KCNG3: variants seen among roughly 807,000 people sequenced by gnomAD.
The protein encoded by KCNG3 is voltage-gated potassium channel regulatory subunit KCNG3.
In KCNG3, 15 loss-of-function variants were observed where a neutral mutation model predicts 29.0. That is an observed-to-expected ratio of 0.52 (90% CI 0.35 to 0.80). The LOEUF is 0.80. Among genes scored for constraint, KCNG3 ranks in the 30% least tolerant of loss-of-function variants. The probability of loss-of-function intolerance (pLI) is 0.01; values close to 1 mark genes in which losing one functional copy is unlikely to be tolerated. For synonymous variants in KCNG3, 322 were observed against 248.9 expected, an observed-to-expected ratio of 1.29 and a Z score of -2.76; for missense variants, 512 against 605.7, an observed-to-expected ratio of 0.85 and a Z score of 1.62.
intron 1 of KCNG3, among the ~76,000 whole-genome samples, chr2:42,482,286 T>A (rs1401530705): frequency 1.3e-5 from 2 of 152,246 alleles, no homozygotes; most frequent in African/African-American, 4.8e-5. Flanking sequence ...TTTTTAAAAA[T>A]ATAACCTACA....
chr2:42,459,183 C>G (rs1206767338), intron 1 of KCNG3, among the ~76,000 whole-genome samples: 1 of 139,838 alleles, frequency 7.2e-6, no homozygotes, highest in African/African-American at 2.6e-5. Flanking sequence ...GCAACAAGAG[C>G]GAAACTCCAT....
chr2:42,493,502 G>A lies in KCNG3; in HGVS notation c.-1C>T. On this transcript the variant is annotated 5_prime_UTR_variant, in exon 1 of 2. Transcript: ENST00000306078. ...CCGCCCCGCTGCGCCCGAAGGTCAT[G>A]GCTGGCCGCCCGGGGGACTTTCGGC... 7.3e-7 allele frequency: 1 copy of A among 1,375,602 alleles called. No individual in the cohort carries two copies. The highest frequency in any genetic ancestry group is 9.3e-7 in the Non-Finnish European group (1 of 1,072,326). The allele number at this position is 1,375,602 out of a possible 1,614,324, so 85.2% of individuals were successfully genotyped here.
the KCNG3 span, among the ~76,000 whole-genome samples, chr2:42,393,932 C>T: frequency 1.3e-5 from 2 of 152,228 alleles, no homozygotes; most frequent in East Asian, 3.9e-4. Flanking sequence ...AGGTGCCCGA[C>T]ACCATGCCCA....
chr2:42,453,360 T>G (rs1040926266), intron 1 of KCNG3, among the ~76,000 whole-genome samples: 2 of 152,218 alleles, frequency 1.3e-5, no homozygotes, highest in Non-Finnish European at 2.9e-5. Context: ...TCGCCAGCAT[T>G]TGTTATTGTC....
At chr2:42,459,688 T>A (rs1044624429) in intron 1 of KCNG3, among the ~76,000 whole-genome samples, 1 of 151,998 alleles carries the variant, frequency 6.6e-6, no homozygotes, top group African/African-American at 2.4e-5. Flanking sequence ...TTATGTAAGA[T>A]GTTATCGGCC....
intron 1 of KCNG3, among the ~76,000 whole-genome samples, chr2:42,473,943 G>C (rs1173978810): frequency 6.6e-6 from 1 of 151,982 alleles, no homozygotes; most frequent in Non-Finnish European, 1.5e-5. Flanking sequence ...CTTGAGGCCA[G>C]GAGTTCGAGA....
chr2:42,412,370 T>G, the KCNG3 span, among the ~76,000 whole-genome samples: 1 of 152,354 alleles, frequency 6.6e-6, no homozygotes, highest in Middle Eastern at 3.4e-3. Flanking sequence ...CTTGAAATTC[T>G]TGGAGTGACT....
At position 42,442,150 on chromosome 2, in the gene KCNG3, T is replaced by A. The variant is rs1280845779; in HGVS notation, c.*1784A>T. On this transcript the variant is annotated 3_prime_UTR_variant, in exon 2 of 2. Transcript: ENST00000306078. ...GCCATTTATTTCAATTATATTAGAA[T>A]ACAATAAATATACAATAAATAACTG... 6.6e-6 allele frequency: 1 copy of A among 152,156 alleles called. No homozygotes were observed. The highest frequency in any genetic ancestry group is 2.4e-5 in the African/African-American group (1 of 41,432). The allele number at this position is 152,156 out of a possible 1,614,324, so 9.4% of individuals were successfully genotyped here. A position where few individuals can be genotyped will look rare whatever the true frequency, so the allele number is the denominator to read the frequency against.
intron 1 of KCNG3, among the ~76,000 whole-genome samples, chr2:42,449,664 C>T (rs979223000): frequency 2.2e-4 from 33 of 151,860 alleles, no homozygotes; most frequent in African/African-American, 7.5e-4. Context: ...ATTACAGGCG[C>T]GCACCACCAC....
chr2:42,477,052 C>A (rs1162301667), intron 1 of KCNG3, among the ~76,000 whole-genome samples: 13 of 150,236 alleles, frequency 8.7e-5, no homozygotes, highest in Admixed American at 8.0e-4. Flanking sequence ...ATTAGCCGGG[C>A]GTGGTGGCAG....
the KCNG3 span, among the ~76,000 whole-genome samples, chr2:42,422,137 A>G: frequency 2.6e-5 from 4 of 152,182 alleles, no homozygotes; most frequent in South Asian, 4.1e-4. Context: ...AACATTACCA[A>G]TTGCTACGGT....
chr2:42,465,499 G>A (rs1417108989), intron 1 of KCNG3, among the ~76,000 whole-genome samples: 1 of 152,136 alleles, frequency 6.6e-6, no homozygotes, highest in Non-Finnish European at 1.5e-5. Flanking sequence ...TTACAGGAGT[G>A]AGCCATTGTC....
At chr2:42,458,250 C>G (rs747008114) in intron 1 of KCNG3, among the ~76,000 whole-genome samples, 1 of 152,150 alleles carries the variant, frequency 6.6e-6, no homozygotes, top group Admixed American at 6.5e-5. Flanking sequence ...TTTTAAGGGG[C>G]TGCTATTATT....
the KCNG3 span, among the ~76,000 whole-genome samples, chr2:42,414,240 C>G: frequency 6.6e-6 from 1 of 152,076 alleles, no homozygotes; most frequent in Non-Finnish European, 1.5e-5. Flanking sequence ...TTTAGTTGTC[C>G]TTTCAGTGAA....
At chr2:42,447,548 T>C (rs894674001) in intron 1 of KCNG3, among the ~76,000 whole-genome samples, 1 of 151,702 alleles carries the variant, frequency 6.6e-6, no homozygotes, top group African/African-American at 2.4e-5. Flanking sequence ...AGGGTCTTAC[T>C]CCCGTCAACC....
intron 1 of KCNG3, among the ~76,000 whole-genome samples, chr2:42,461,491 T>C (rs958644625): frequency 2.0e-5 from 3 of 152,124 alleles, no homozygotes; most frequent in Non-Finnish European, 2.9e-5. Flanking sequence ...AGAGGACATA[T>C]GCATACAGGC....
intron 1 of KCNG3, among the ~76,000 whole-genome samples, chr2:42,457,289 A>G (rs1213401854): frequency 6.6e-6 from 1 of 151,178 alleles, no homozygotes; most frequent in Non-Finnish European, 1.5e-5. Context: ...GTTCAAGACC[A>G]GTTTGGGCAA....
chr2:42,444,631 T>C lies in KCNG3; in HGVS notation c.666-52A>G, dbSNP rs373645106. On this transcript the variant is annotated intron_variant, in intron 1 of 1. Coordinates refer to ENST00000306078, the MANE Select transcript of KCNG3 (RefSeq NM_133329.6). This position sits in a 1 kb window ranked among gnomAD's most constrained non-coding sequence, Gnocchi z 5.8. ...ATCATTTTATTTTTAAGCATTTTAATAGCTCTTAGATTTCTTCAGATAGTA... is the reference window on the plus strand; with the variant it reads ...ATCATTTTATTTTTAAGCATTTTAACAGCTCTTAGATTTCTTCAGATAGTA... The C allele has an allele frequency of 4.8e-5, 72 of 1,496,546 alleles. No individual in the cohort carries two copies. The African/African-American group carries it at 8.6e-4, about 18-fold the overall frequency. The allele number at this position is 1,496,546 out of a possible 1,614,324, so 92.7% of individuals were successfully genotyped here.
chr2:42,447,203 A>T (rs2103665539), intron 1 of KCNG3, among the ~76,000 whole-genome samples: 1 of 151,814 alleles, frequency 6.6e-6, no homozygotes, highest in South Asian at 2.1e-4. Flanking sequence ...ATCCTTCCAG[A>T]GCTATTTGAT....
Sources: gnomAD v4.1 joint callset for allele counts (sites outside exome capture counted in the v4.1 genomes callset) on GRCh38, gnomAD v4.1.1 for gene constraint, Gnocchi (gnomAD v3.1) non-coding constraint, MANE v1.5 for transcripts, NCBI Gene and HGNC (gene_info 2026-07-23, HGNC 2026-07-21) for gene names.